The following FAT3 variants were observed in gnomAD, a reference collection of about 807,000 sequenced individuals.
FAT3 encodes the protein FAT atypical cadherin 3, also known as protocadherin Fat 3.
FAT3 carries 95 observed loss-of-function variants against 310.2 expected under a neutral mutation model. The ratio of observed to expected loss-of-function variants is 0.31; its 90% confidence interval spans 0.26 to 0.36. FAT3 has a LOEUF of 0.36. FAT3 is among the 10% of genes least tolerant of loss of function. FAT3 has a pLI of 1.00. For missense variants in FAT3, 5,408 were observed against 5,715.6 expected (o/e 0.95, Z 1.74); for synonymous variants, 2,314 against 2,192.9 (o/e 1.06, Z -1.54).
chr11:92,602,227 C>T (rs1231540556), intron 3 of FAT3, among the ~76,000 whole-genome samples: 1 of 152,034 alleles, frequency 6.6e-6, no homozygotes, highest in Non-Finnish European at 1.5e-5. Context: ...GTGTCTGCCA[C>T]CACGCCCGGC....
At chr11:92,771,777 C>T (rs1400810683) in intron 6 of FAT3, among the ~76,000 whole-genome samples, 1 of 143,902 alleles carries the variant, frequency 6.9e-6, no homozygotes, top group East Asian at 2.0e-4. Context: ...AAAAAAAAAA[C>T]ATAAAATTAG....
chr11:92,324,112 G>A (rs946024367), intron 1 of FAT3, among the ~76,000 whole-genome samples: 1 of 152,186 alleles, frequency 6.6e-6, no homozygotes, highest in African/African-American at 2.4e-5. Flanking sequence ...AGGGAATGTT[G>A]TGGCTGGTTT....
At chr11:92,537,980 G>A (rs989848598) in intron 3 of FAT3, among the ~76,000 whole-genome samples, 3 of 151,912 alleles carry the variant, frequency 2.0e-5, no homozygotes, top group African/African-American at 7.3e-5. Flanking sequence ...GTTATTGCTG[G>A]GAGTTTTCAT....
At chr11:92,808,917 C>G (rs540004106) in intron 12 of FAT3, among the ~76,000 whole-genome samples, 5 of 152,018 alleles carry the variant, frequency 3.3e-5, no homozygotes, top group African/African-American at 1.2e-4. Flanking sequence ...CAGAGCAAGA[C>G]TCAGTCTCAA....
In FAT3 at chr11:92,848,459, T is replaced by C. The variant is rs147453826; in HGVS notation, c.11365+3727T>C. Among the ~76,000 whole-genome samples, 975 of 152,310 alleles carry C rather than the reference T, an allele frequency of 6.4e-3. 9 individuals are homozygous for C. The highest frequency in any genetic ancestry group is 0.015 in the South Asian group (74 of 4,820). ...GATGTCCTCGAGCCCGTATAGGAGATGTGCAAGAGAAAGGGGTGTCACGGC... is the reference window on the plus strand; with the variant it reads ...GATGTCCTCGAGCCCGTATAGGAGACGTGCAAGAGAAAGGGGTGTCACGGC... On this transcript the variant is annotated intron_variant, in intron 19 of 27. Transcript: ENST00000525166.
At chr11:92,532,598 A>T (rs553064555) in intron 3 of FAT3, among the ~76,000 whole-genome samples, 1 of 152,198 alleles carries the variant, frequency 6.6e-6, no homozygotes, top group Non-Finnish European at 1.5e-5. Context: ...TTCAAACAGA[A>T]TACATGTGAA....
intron 1 of FAT3, among the ~76,000 whole-genome samples, chr11:92,340,553 G>A (rs1317870273): frequency 6.6e-6 from 1 of 152,186 alleles, no homozygotes; most frequent in East Asian, 1.9e-4. Flanking sequence ...AATGATACCA[G>A]GATCCCAAAG....
intron 2 of FAT3, among the ~76,000 whole-genome samples, chr11:92,384,198 G>C (rs1949566700): frequency 1.3e-5 from 2 of 152,092 alleles, no homozygotes; most frequent in Non-Finnish European, 2.9e-5. Context: ...GCAGAGAGGG[G>C]CATTTCCCTG....
intron 4 of FAT3, among the ~76,000 whole-genome samples, chr11:92,736,043 G>A (rs897152573): frequency 6.6e-5 from 10 of 152,250 alleles, no homozygotes; most frequent in Middle Eastern, 3.4e-3. Context: ...TGATCCAGAA[G>A]CAATGTTTTT....
At chr11:92,764,132 G>T (rs1342395866) in intron 5 of FAT3, among the ~76,000 whole-genome samples, 1 of 152,058 alleles carries the variant, frequency 6.6e-6, no homozygotes, top group East Asian at 1.9e-4. Context: ...CTGCCCAGCT[G>T]GGGAGGGAGA....
chr11:92,802,322 G>A (rs547887344), intron 10 of FAT3, among the ~76,000 whole-genome samples: 2 of 152,210 alleles, frequency 1.3e-5, no homozygotes, highest in South Asian at 4.1e-4. Flanking sequence ...AGCTTCACAT[G>A]CACACTTCCC....
At chr11:92,884,746 G>A (rs533351579) in intron 24 of FAT3, among the ~76,000 whole-genome samples, 1 of 152,274 alleles carries the variant, frequency 6.6e-6, no homozygotes, top group East Asian at 1.9e-4. Context: ...ACAAGTAAAG[G>A]GTTACCCGAG....
chr11:92,750,408 T>G (rs190092195), intron 4 of FAT3, among the ~76,000 whole-genome samples: 116 of 152,334 alleles, frequency 7.6e-4, no homozygotes, highest in South Asian at 4.4e-3. Flanking sequence ...TTAAAGATTT[T>G]AGTTGGCTTT....
intron 3 of FAT3, among the ~76,000 whole-genome samples, chr11:92,695,694 G>A (rs1350702894): frequency 6.6e-6 from 1 of 152,118 alleles, no homozygotes; most frequent in African/African-American, 2.4e-5. Flanking sequence ...TGAGGAACTA[G>A]GTAGGCATCA....
chr11:92,659,198 T>A (rs1942686134), intron 3 of FAT3, among the ~76,000 whole-genome samples: 1 of 152,152 alleles, frequency 6.6e-6, no homozygotes, highest in Non-Finnish European at 1.5e-5. Flanking sequence ...ATACTAAAAT[T>A]CACAGAGGCT....
chr11:92,511,376 CT>C (rs969915169), intron 2 of FAT3, among the ~76,000 whole-genome samples: 14 of 148,196 alleles, frequency 9.4e-5, no homozygotes, highest in African/African-American at 1.5e-4. Context: ...GTTGACTCTT[CT>C]TTTTTTTTTG....
intron 18 of FAT3, among the ~76,000 whole-genome samples, chr11:92,842,839 A>G (rs552418254): frequency 1.3e-5 from 2 of 152,346 alleles, no homozygotes; most frequent in African/African-American, 2.4e-5. Context: ...TGATTGTACC[A>G]CCACTGCACT....
intron 4 of FAT3, among the ~76,000 whole-genome samples, chr11:92,746,890 G>C (rs576091253): frequency 6.6e-6 from 1 of 152,344 alleles, no homozygotes; most frequent in African/African-American, 2.4e-5. Flanking sequence ...GCTGATACAA[G>C]AGGTGGGCTC....
At chr11:92,626,851 C>T (rs981179963) in intron 3 of FAT3, among the ~76,000 whole-genome samples, 3 of 152,192 alleles carry the variant, frequency 2.0e-5, no homozygotes, top group Non-Finnish European at 4.4e-5. Context: ...TTCTCATGAA[C>T]TATGCATGGT....
Sources: gnomAD v4.1 joint callset for allele counts (sites outside exome capture counted in the v4.1 genomes callset) on GRCh38, gnomAD v4.1.1 for gene constraint, MANE v1.5 for transcripts, NCBI Gene and HGNC (gene_info 2026-07-23, HGNC 2026-07-21) for gene names.